The following NEK11 variants were observed in gnomAD, a reference collection of about 807,000 sequenced individuals.
NEK11 encodes NIMA related kinase 11, also known as serine/threonine-protein kinase Nek11.
Under a neutral mutation model 80.7 loss-of-function variants are expected in NEK11, and 72 were observed. The ratio of observed to expected loss-of-function variants is 0.89; its 90% CI spans 0.74 to 1.08. NEK11 has a LOEUF of 1.08. Among genes scored for constraint, NEK11 ranks in the 50% least tolerant of loss-of-function variants. The probability of loss-of-function intolerance (pLI) is 0.00; values close to 1 mark genes in which losing one functional copy is unlikely to be tolerated. For synonymous variants in NEK11, 251 were observed against 260.7 expected, an observed-to-expected ratio of 0.96 and a Z score of 0.36; for missense variants, 764 against 763.6, an observed-to-expected ratio of 1.00 and a Z score of -0.01.
intron 14 of NEK11, among the ~76,000 whole-genome samples, chr3:131,172,378 G>A (rs560028632): frequency 1.1e-3 from 173 of 152,308 alleles, no homozygotes; most frequent in African/African-American, 4.0e-3. Flanking sequence ...GGATTATCTT[G>A]TCTTCTCACC....
chr3:131,190,247 T>A (rs551776254), intron 14 of NEK11, among the ~76,000 whole-genome samples: 3 of 152,316 alleles, frequency 2.0e-5, no homozygotes, highest in Admixed American at 2.0e-4. Context: ...TCCTGTGCAC[T>A]GAGGATTCAG....
At chr3:131,276,404 T>C (rs2096291600) in intron 17 of NEK11, among the ~76,000 whole-genome samples, 1 of 152,140 alleles carries the variant, frequency 6.6e-6, no homozygotes, top group African/African-American at 2.4e-5. Context: ...GTTCTGGGGC[T>C]AGATGGCCCT....
chr3:131,150,869 C>T (rs180921769), intron 7 of NEK11, among the ~76,000 whole-genome samples: 60 of 151,978 alleles, frequency 3.9e-4, no homozygotes, highest in Non-Finnish European at 5.6e-4. Context: ...TTAAGAAATG[C>T]TTTCCTGCTG....
intron 3 of NEK11, among the ~76,000 whole-genome samples, chr3:131,054,894 T>A (rs115636541): frequency 0.013 from 2,015 of 152,338 alleles, 40 homozygotes; most frequent in African/African-American, 0.045. Context: ...AAACCAAGGC[T>A]TGAAATTACC....
rs1454318853 is a variant in NEK11 at position 131,162,445 on chromosome 3, T to G, written c.1000T>G (p.Ser334Ala). ...CCACCTGCAGACTCTGAGGGCACTG[T>G]CAGAAGTACAGAAAATGACGCCAAG... ...RIHLQTLRALSEVQKMTPRER... is the reference protein window; with the variant it reads ...RIHLQTLRALAEVQKMTPRER... Residue 334 changes from serine (S) to alanine (A), a missense_variant, in exon 11 of 18, where the codon TCA becomes GCA. Ser to Ala is a moderately conservative substitution (Grantham distance 99). Transcript: ENST00000383366. 2 of 1,613,990 alleles carry G rather than the reference T, an allele frequency of 1.2e-6. No individual in the cohort carries two copies. Among genetic ancestry groups the G allele is most frequent in the African/African-American group, 2.7e-5 (2 of 74,918 alleles).
chr3:131,084,082 AG>A (rs1244222936), intron 4 of NEK11, among the ~76,000 whole-genome samples: 2 of 152,180 alleles, frequency 1.3e-5, no homozygotes, highest in Non-Finnish European at 2.9e-5. Context: ...CCAATAAACA[AG>A]GTTCCTTTCC....
chr3:131,174,318 C>T (rs986339957), intron 14 of NEK11, among the ~76,000 whole-genome samples: 1 of 152,192 alleles, frequency 6.6e-6, no homozygotes, highest in African/African-American at 2.4e-5. Flanking sequence ...TGTTGATGAA[C>T]TCTGAAGTGG....
At chr3:131,159,679 C>T (rs1039123479) in intron 10 of NEK11, among the ~76,000 whole-genome samples, 18 of 152,010 alleles carry the variant, frequency 1.2e-4, no homozygotes, top group African/African-American at 3.9e-4. Context: ...GCAGGAGAAT[C>T]GCTTGAACCT....
intron 17 of NEK11, among the ~76,000 whole-genome samples, chr3:131,300,306 A>G (rs944740031): frequency 2.0e-5 from 3 of 152,110 alleles, no homozygotes; most frequent in African/African-American, 7.2e-5. Context: ...TAGTTTGTAA[A>G]TATTTTCTCC....
chr3:131,183,328 GTT>G (rs1288963364), intron 14 of NEK11, among the ~76,000 whole-genome samples: 1 of 152,106 alleles, frequency 6.6e-6, no homozygotes, highest in Non-Finnish European at 1.5e-5. Flanking sequence ...GGATGTGCAG[GTT>G]TGTTACATAA....
chr3:131,116,796 A>G (rs1457387947), intron 5 of NEK11, among the ~76,000 whole-genome samples: 2 of 152,140 alleles, frequency 1.3e-5, no homozygotes, highest in African/African-American at 4.8e-5. Flanking sequence ...GTCTGTTCAT[A>G]TCCTTTGCCC....
At chr3:131,268,562 C>T (rs2096111348) in intron 16 of NEK11, among the ~76,000 whole-genome samples, 1 of 152,216 alleles carries the variant, frequency 6.6e-6, no homozygotes, top group African/African-American at 2.4e-5. Context: ...GCTGGAGGTC[C>T]ACTCCAGACC....
intron 3 of NEK11, among the ~76,000 whole-genome samples, chr3:131,064,117 T>C (rs1316323659): frequency 6.6e-6 from 1 of 152,138 alleles, no homozygotes; most frequent in Non-Finnish European, 1.5e-5. Flanking sequence ...ATATGAAATA[T>C]CAAGCAGGCA....
intron 17 of NEK11, among the ~76,000 whole-genome samples, chr3:131,315,281 C>A (rs181686291): frequency 1.3e-5 from 2 of 152,168 alleles, no homozygotes; most frequent in East Asian, 3.8e-4. Flanking sequence ...ATCCCTCCCC[C>A]CAACAGCCAC....
intron 16 of NEK11, among the ~76,000 whole-genome samples, chr3:131,254,657 A>C (rs1478428276): frequency 6.6e-6 from 1 of 152,170 alleles, no homozygotes; most frequent in Non-Finnish European, 1.5e-5. Context: ...TGGATGTACA[A>C]AGCCTTTTTA....
At chr3:131,274,093 T>C (rs1024490958) in intron 17 of NEK11, among the ~76,000 whole-genome samples, 6 of 145,664 alleles carry the variant, frequency 4.1e-5, no homozygotes, top group Non-Finnish European at 9.1e-5. Context: ...TATCTCCCAA[T>C]GCTATCCCTC....
At chr3:131,099,565 C>G (rs113315289) in intron 4 of NEK11, among the ~76,000 whole-genome samples, 3 of 152,094 alleles carry the variant, frequency 2.0e-5, no homozygotes, top group African/African-American at 7.2e-5. Flanking sequence ...GGCAGTATGG[C>G]TATTTTAACA....
At chr3:131,066,647 A>C (rs1261995081) in intron 3 of NEK11, among the ~76,000 whole-genome samples, 1 of 152,076 alleles carries the variant, frequency 6.6e-6, no homozygotes, top group Non-Finnish European at 1.5e-5. Context: ...CAGCCTGGCC[A>C]ACATGGTGAA....
intron 5 of NEK11, among the ~76,000 whole-genome samples, chr3:131,115,906 C>CTT (rs1203060384): frequency 4.7e-3 from 141 of 30,080 alleles, no homozygotes; most frequent in African/African-American, 0.019. Context: ...GTAGTGTTTT[C>CTT]TTTCTTTCTT....
Sources: gnomAD v4.1 joint callset for allele counts (sites outside exome capture counted in the v4.1 genomes callset) on GRCh38, gnomAD v4.1.1 for gene constraint, MANE v1.5 for transcripts, NCBI Gene and HGNC (gene_info 2026-07-23, HGNC 2026-07-21) for gene names.